The following DICER1 variants were observed in gnomAD, a reference collection of about 807,000 sequenced individuals.
The protein encoded by DICER1 is dicer 1, ribonuclease III.
In DICER1, 43 loss-of-function variants were observed where a neutral mutation model predicts 194.1. The ratio of observed to expected loss-of-function variants is 0.22; its 90% CI spans 0.17 to 0.29. The LOEUF (loss-of-function observed/expected upper bound fraction) is 0.29. Ranked by LOEUF, DICER1 falls within the 10% of genes least tolerant of loss-of-function variation. The probability of loss-of-function intolerance (pLI) is 1.00; values close to 1 mark genes in which losing one functional copy is unlikely to be tolerated. For missense variants in DICER1, 1,608 were observed against 2,317.0 expected (o/e 0.69, Z 6.28); for synonymous variants, 832 against 820.5 (o/e 1.01, Z -0.24).
At chr14:95,108,147 A>G in intron 15 of DICER1, 54 bp from the exon 16 acceptor site, 1 of 1,432,370 alleles carries the variant, frequency 7.0e-7, no homozygotes, top group Non-Finnish European at 9.8e-7. Flanking sequence ...ATTTTATTCC[A>G]TTACAGTTAA....
intron 21 of DICER1, among the ~76,000 whole-genome samples, chr14:95,100,146 A>C (rs1419931324): frequency 6.6e-6 from 1 of 152,192 alleles, no homozygotes. Context: ...TTTTGGTGTA[A>C]ATATTTCTGA....
rs1231834060 is a variant in DICER1, at chr14:95,124,168, T to C, written c.1376+28A>G. On this transcript the variant is annotated intron_variant, in intron 8 of 26. Transcript: ENST00000343455. The surrounding 1 kb of genome is among the most constrained non-coding windows in gnomAD (Gnocchi z 4.5). Reference sequence around the variant, plus strand: ...AACACAGGACGCCTCCCTGTTCTCATGTGAAAGGAGTCAACTTACAGATTT... The same window carrying C: ...AACACAGGACGCCTCCCTGTTCTCACGTGAAAGGAGTCAACTTACAGATTT... 2.8e-5 allele frequency: 43 copies of C among 1,550,464 alleles called. No individual in the cohort carries two copies. Among genetic ancestry groups the C allele is most frequent in the Non-Finnish European group, 3.5e-5 (39 of 1,124,524 alleles).
In DICER1 at chr14:95,131,384, G is replaced by C. The variant is rs1893934786; in HGVS notation, c.438+125C>G. The C allele has an allele frequency of 6.7e-6, 6 of 892,046 alleles. No homozygotes were observed. In the South Asian group the frequency reaches 8.4e-5, roughly 13 times the overall value. 55.3% of individuals were successfully genotyped at this position (892,046 alleles called of 1,614,324 possible). Reference sequence around the variant, plus strand: ...TATAGTACATCAGGACTAGCTTCTAGGCTGATTAAGTATAGGAAATTAGTT... The same window carrying C: ...TATAGTACATCAGGACTAGCTTCTACGCTGATTAAGTATAGGAAATTAGTT... On this transcript the variant is annotated intron_variant, in intron 4 of 26. Transcript: ENST00000343455.
intron 22 of DICER1, among the ~76,000 whole-genome samples, chr14:95,099,539 G>C (rs996784663): frequency 2.0e-5 from 3 of 151,590 alleles, no homozygotes; most frequent in African/African-American, 7.3e-5. Context: ...CTTTGGAAAA[G>C]AAATAATAAA....
intron 14 of DICER1, among the ~76,000 whole-genome samples, chr14:95,110,204 G>A (rs1891830504): frequency 6.6e-6 from 1 of 152,096 alleles, no homozygotes; most frequent in Non-Finnish European, 1.5e-5. Flanking sequence ...AAATAAATGT[G>A]AGCTATAGAT....
chr14:95,122,437 T>A (rs894575268), intron 8 of DICER1, among the ~76,000 whole-genome samples: 5 of 152,176 alleles, frequency 3.3e-5, no homozygotes, highest in Non-Finnish European at 2.9e-5. Context: ...ACTCCCAAAA[T>A]GCTTTTTCCC....
chr14:95,122,948 G>A (rs74076802), intron 8 of DICER1, among the ~76,000 whole-genome samples: 35,219 of 132,564 alleles, frequency 0.27, 4,553 homozygotes, highest in African/African-American at 0.42. Flanking sequence ...GCGCGCGCGC[G>A]CACACACACA....
At chr14:95,091,441 T>A in intron 24 of DICER1, 76 bp from the exon 25 acceptor site, 2 of 1,387,442 alleles carry the variant, frequency 1.4e-6, no homozygotes, top group Non-Finnish European at 2.0e-6. Flanking sequence ...GTTTCTTTTC[T>A]TGGATATATG....
In DICER1 at chr14:95,124,296, C is replaced by G. The variant is rs776158166; in HGVS notation, c.1276G>C (p.Glu426Gln). The stretch of plus-strand genomic sequence containing the variant: ...AAATTTGTCTCTGGCTTCTCTTTTT[C>G]TTCAATTTCTTCATCCTCATCATCA... Reference protein sequence around the residue: ...EDDDEDEEIEEKEKPETNFPS... With the variant: ...EDDDEDEEIEQKEKPETNFPS... The change falls in exon 8 of 27, where the codon GAA becomes CAA. Residue 426 changes from glutamate to glutamine, a missense_variant. By Grantham distance (29) the Glu-to-Gln change is conservative. Coordinates refer to ENST00000343455, the MANE Select transcript of DICER1 (RefSeq NM_177438.3). This position sits in a 1 kb window ranked among gnomAD's most constrained non-coding sequence, Gnocchi z 4.5. 6.2e-7 allele frequency: 1 copy of G among 1,613,894 alleles called. No individual in the cohort carries two copies. The highest frequency in any genetic ancestry group is 1.1e-5 in the South Asian group (1 of 91,076).
At chr14:95,106,974 G>A (rs560848941) in intron 17 of DICER1, among the ~76,000 whole-genome samples, 5 of 151,968 alleles carry the variant, frequency 3.3e-5, no homozygotes, top group South Asian at 2.1e-4. Flanking sequence ...TATCTATAAC[G>A]TTTTAGGTAT....
At chr14:95,133,036 A>T (rs1011188281) in intron 2 of DICER1, among the ~76,000 whole-genome samples, 1 of 152,224 alleles carries the variant, frequency 6.6e-6, no homozygotes, top group Admixed American at 6.5e-5. Flanking sequence ...GTTCCTACCC[A>T]GCTCACTAGG....
At position 95,126,667 on chromosome 14, in the gene DICER1, C is replaced by G. The variant is rs1566806837; in HGVS notation, c.816G>C (p.Met272Ile). The G allele has an allele frequency of 2.5e-6, 4 of 1,591,510 alleles. No homozygotes were observed. The highest frequency in any genetic ancestry group is 3.4e-6 in the Non-Finnish European group (4 of 1,159,772). ...DRSGLYERLLMELEEALNFIN... is the reference protein window; with the variant it reads ...DRSGLYERLLIELEEALNFIN... ...TAAAATTAAGTGCTTCTTCTAATTC[C>G]ATCAGCAGTCTTTCATAAAGCCCAC... The change falls in exon 7 of 27, where the codon ATG becomes ATC. Residue 272 changes from methionine (M) to isoleucine (I), a missense_variant. This residue lies in a region of DICER1 where 657 missense variants were observed against 910.1 expected (regional missense o/e 0.72). Transcript: ENST00000343455.
intron 6 of DICER1, 44 bp from the exon 7 acceptor site, chr14:95,126,792 A>AAACAAAAGGTATC: frequency 7.9e-7 from 1 of 1,273,390 alleles, no homozygotes; most frequent in Non-Finnish European, 1.1e-6. Context: ...CAGTAGTGAG[A>AAACAAAAGGTATC]ATGCAATTTA....
Position 95,089,692 on chromosome 14 carries a change from C to T in DICER1, c.*806G>A, listed in dbSNP as rs886050937. On this transcript the variant is annotated 3_prime_UTR_variant, in exon 27 of 27. Transcript: ENST00000343455. ...ATATGACAGAAATTTTAGTATGATC[C>T]TGTAATAAGTTACAACTATACTAGT... 3.0e-5 allele frequency: 7 copies of T among 231,544 alleles called. No homozygotes were observed. Among genetic ancestry groups the T allele is most frequent in the African/African-American group, 6.6e-5 (3 of 45,198 alleles). 14.3% of individuals were successfully genotyped at this position (231,544 alleles called of 1,614,324 possible).
At chr14:95,108,878 T>A (rs147704773) in intron 14 of DICER1, among the ~76,000 whole-genome samples, 3 of 152,308 alleles carry the variant, frequency 2.0e-5, no homozygotes, top group Admixed American at 6.5e-5. Flanking sequence ...CTGTAGAGTA[T>A]CAGAAAATGA....
chr14:95,124,342 C>A lies in DICER1; in HGVS notation c.1230G>T (p.Val410=), dbSNP rs1481644631. The A allele has an allele frequency of 6.2e-7, 1 of 1,613,908 alleles. No individual in the cohort carries two copies. The highest frequency in any genetic ancestry group is 8.5e-7 in the Non-Finnish European group (1 of 1,179,854). ...WYNNRNQDNY[V]SWSDSEDDDE... is the part of the protein sequence containing the mutation. ...CATCATCCTCAGAATCACTCCATGA[C>A]ACATAATTATCCTGATTTCTATTAT... The change falls in exon 8 of 27, where the codon GTG becomes GTT. Residue 410 remains valine, a synonymous_variant. Coordinates refer to ENST00000343455, the MANE Select transcript of DICER1 (RefSeq NM_177438.3). The surrounding 1 kb of genome is among the most constrained non-coding windows in gnomAD (Gnocchi z 4.5).
chr14:95,112,965 G>C, intron 12 of DICER1, 127 bp downstream of exon 12: 1 of 993,506 alleles, frequency 1.0e-6, no homozygotes, highest in Non-Finnish European at 1.6e-6. Flanking sequence ...GTCAACACAA[G>C]GCTCCTGCTC....
At chr14:95,126,974 G>A (rs577711734) in intron 6 of DICER1, among the ~76,000 whole-genome samples, 16 of 152,120 alleles carry the variant, frequency 1.1e-4, no homozygotes, top group Non-Finnish European at 1.8e-4. Flanking sequence ...GTAAAGTGTT[G>A]TTTAAAAGAT....
chr14:95,130,002 T>A lies in DICER1; in HGVS notation c.573+56A>T, dbSNP rs945248257. Reference sequence around the variant, plus strand: ...TGCTTTTGAAATCTAAAAACAAAAATCTGCATTTACTCAATAGTTTACCAA... The same window carrying A: ...TGCTTTTGAAATCTAAAAACAAAAAACTGCATTTACTCAATAGTTTACCAA... On this transcript the variant is annotated intron_variant, in intron 5 of 26. Coordinates refer to ENST00000343455, the MANE Select transcript of DICER1 (RefSeq NM_177438.3). 3.9e-6 allele frequency: 6 copies of A among 1,557,056 alleles called. No individual in the cohort carries two copies. The African/African-American group carries it at 8.2e-5, about 21-fold the overall frequency.
Sources: gnomAD v4.1 joint callset for allele counts (sites outside exome capture counted in the v4.1 genomes callset) on GRCh38, gnomAD v4.1.1 for gene constraint, gnomAD v4.1.1 regional missense constraint, Gnocchi (gnomAD v3.1) non-coding constraint, MANE v1.5 for transcripts, NCBI Gene and HGNC (gene_info 2026-07-23, HGNC 2026-07-21) for gene names.